The following EPB41L4A variants were observed in gnomAD, a reference collection of about 807,000 sequenced individuals.
The protein encoded by EPB41L4A is erythrocyte membrane protein band 4.1 like 4A, also known as band 4.1-like protein 4A.
EPB41L4A carries 100 observed loss-of-function variants against 108.6 expected under a neutral mutation model. That is an observed-to-expected ratio of 0.92 (90% CI 0.78 to 1.09). The LOEUF (loss-of-function observed/expected upper bound fraction) is 1.09, where lower values mean the gene tolerates loss of function less well. EPB41L4A is among the 50% of genes least tolerant of loss of function. The probability of loss-of-function intolerance (pLI) is 0.00; values close to 1 mark genes in which losing one functional copy is unlikely to be tolerated. For missense variants in EPB41L4A, 1,030 were observed against 842.7 expected (o/e 1.22, Z -2.75); for synonymous variants, 319 against 289.0 (o/e 1.10, Z -1.05).
At chr5:112,251,580 A>G (rs770197085) in intron 9 of EPB41L4A, among the ~76,000 whole-genome samples, 6 of 152,172 alleles carry the variant, frequency 3.9e-5, no homozygotes, top group Non-Finnish European at 8.8e-5. Context: ...GAAGAAAAAA[A>G]TGCTTATCTT....
intron 1 of EPB41L4A, among the ~76,000 whole-genome samples, chr5:112,380,792 TAC>T (rs34831455): frequency 0.12 from 16,245 of 140,878 alleles, 866 homozygotes; most frequent in Middle Eastern, 0.14. Flanking sequence ...ATCACACACA[TAC>T]ACACACACAC....
chr5:112,346,216 A>ATTTTTTTTTTTTTTTTTTTTT lies in EPB41L4A; in HGVS notation c.100-38747_100-38727dup, dbSNP rs561328868. Among the ~76,000 whole-genome samples, 34 of 67,344 alleles carry ATTTTTTTTTTTTTTTTTTTTT rather than the reference A, an allele frequency of 5.0e-4. 12 individuals are homozygous for ATTTTTTTTTTTTTTTTTTTTT. The highest frequency in any genetic ancestry group is 8.7e-4 in the Non-Finnish European group (28 of 32,334). The allele number at this position is 67,344 out of a possible 152,430, so 44.2% of individuals were successfully genotyped here. On this transcript the variant is annotated intron_variant, in intron 1 of 22. Coordinates refer to ENST00000261486, the MANE Select transcript of EPB41L4A (RefSeq NM_022140.5). ...AATTCTTTAAAGTTAGGTACATTGC[A>ATTTTTTTTTTTTTTTTTTTTT]TTTTTTTTTTTTTTTTTTTTTTTTT...
intron 1 of EPB41L4A, among the ~76,000 whole-genome samples, chr5:112,382,744 G>C (rs528137806): frequency 6.6e-5 from 10 of 152,286 alleles, no homozygotes; most frequent in African/African-American, 9.6e-5. Flanking sequence ...GCAGCTAAAA[G>C]ATACAGTATA....
At chr5:112,394,050 C>T (rs1008192936) in intron 1 of EPB41L4A, among the ~76,000 whole-genome samples, 3 of 151,966 alleles carry the variant, frequency 2.0e-5, no homozygotes, top group African/African-American at 7.3e-5. Context: ...CCCTTCATGC[C>T]AAAAACTCTC....
At chr5:112,191,672 GT>G (rs1182794247) in intron 17 of EPB41L4A, among the ~76,000 whole-genome samples, 1 of 145,500 alleles carries the variant, frequency 6.9e-6, no homozygotes, top group African/African-American at 2.6e-5. Flanking sequence ...CCTCATTTAT[GT>G]TTAAAAAAAA....
At chr5:112,373,487 A>C (rs1437483503) in intron 1 of EPB41L4A, among the ~76,000 whole-genome samples, 1 of 152,228 alleles carries the variant, frequency 6.6e-6, no homozygotes, top group African/African-American at 2.4e-5. Context: ...GCAACCACCT[A>C]TATCTTATTT....
chr5:112,364,479 C>G (rs1165669405), intron 1 of EPB41L4A, among the ~76,000 whole-genome samples: 1 of 152,112 alleles, frequency 6.6e-6, no homozygotes, highest in Non-Finnish European at 1.5e-5. Flanking sequence ...CTGCCAAATT[C>G]CTACATGATA....
intron 1 of EPB41L4A, among the ~76,000 whole-genome samples, chr5:112,416,946 A>C (rs1580869790): frequency 1.3e-5 from 2 of 152,244 alleles, no homozygotes; most frequent in African/African-American, 4.8e-5. Context: ...AGATAATGTG[A>C]TTAGCTTTAG....
upstream of EPB41L4A, chr5:112,419,929 G>A: frequency 2.2e-6 from 1 of 455,850 alleles, no homozygotes; most frequent in Non-Finnish European, 4.4e-6. Context: ...CGGGGAGGCG[G>A]GGACCTGCGG....
At chr5:112,192,906 G>A (rs1336803818) in intron 17 of EPB41L4A, among the ~76,000 whole-genome samples, 1 of 152,182 alleles carries the variant, frequency 6.6e-6, no homozygotes, top group Non-Finnish European at 1.5e-5. Flanking sequence ...TCAATAAAAA[G>A]TGTTAAATAA....
intron 1 of EPB41L4A, among the ~76,000 whole-genome samples, chr5:112,355,632 A>T (rs1180569584): frequency 6.6e-6 from 1 of 152,188 alleles, no homozygotes; most frequent in African/African-American, 2.4e-5. Context: ...CTCTCCCGAT[A>T]CAACCACAAA....
At chr5:112,390,481 G>C (rs1291429288) in intron 1 of EPB41L4A, among the ~76,000 whole-genome samples, 2 of 152,168 alleles carry the variant, frequency 1.3e-5, no homozygotes, top group Non-Finnish European at 2.9e-5. Flanking sequence ...TGAGCTGACA[G>C]CCTGGGTGGG....
intron 1 of EPB41L4A, among the ~76,000 whole-genome samples, chr5:112,409,663 C>G (rs1446313418): frequency 1.3e-5 from 2 of 152,046 alleles, no homozygotes; most frequent in Admixed American, 6.5e-5. Flanking sequence ...TTCATTGATG[C>G]CTACTACTCT....
chr5:112,236,468 C>T (rs1271918072), intron 11 of EPB41L4A, among the ~76,000 whole-genome samples: 2 of 152,214 alleles, frequency 1.3e-5, no homozygotes, highest in Non-Finnish European at 1.5e-5. Context: ...TCATTTTCCT[C>T]ATTTATATTT....
At chr5:112,211,863 T>C (rs1284254768) in intron 12 of EPB41L4A, among the ~76,000 whole-genome samples, 1 of 152,222 alleles carries the variant, frequency 6.6e-6, no homozygotes, top group East Asian at 1.9e-4. Flanking sequence ...CATATCTGAA[T>C]TGTGTTCCTA....
chr5:112,328,318 A>G (rs1336809260), intron 1 of EPB41L4A, among the ~76,000 whole-genome samples: 1 of 152,162 alleles, frequency 6.6e-6, no homozygotes, highest in East Asian at 1.9e-4. Context: ...CAAAAAAAAT[A>G]AAAAATCTTG....
intron 9 of EPB41L4A, among the ~76,000 whole-genome samples, chr5:112,252,580 T>G (rs907299185): frequency 3.3e-5 from 5 of 152,170 alleles, no homozygotes; most frequent in African/African-American, 9.7e-5. Flanking sequence ...TAGGTACCTG[T>G]GTGAACTAAT....
intron 1 of EPB41L4A, among the ~76,000 whole-genome samples, chr5:112,376,981 A>T (rs1364304718): frequency 5.9e-5 from 9 of 152,108 alleles, no homozygotes; most frequent in African/African-American, 1.7e-4. Context: ...AAGCAGGAGG[A>T]TCACTTGAAC....
intron 16 of EPB41L4A, among the ~76,000 whole-genome samples, 185 bp downstream of exon 16, chr5:112,195,476 C>T (rs1456290466): frequency 6.6e-6 from 1 of 151,802 alleles, no homozygotes; most frequent in East Asian, 1.9e-4. Context: ...CACAAAGGAG[C>T]AGGAAACAGC....
Sources: gnomAD v4.1 joint callset for allele counts (sites outside exome capture counted in the v4.1 genomes callset) on GRCh38, gnomAD v4.1.1 for gene constraint, MANE v1.5 for transcripts, NCBI Gene and HGNC (gene_info 2026-07-23, HGNC 2026-07-21) for gene names.